KLHL20: variants seen among roughly 807,000 people sequenced by gnomAD.
The protein encoded by KLHL20 is kelch-like protein 20.
KLHL20 carries 29 observed loss-of-function variants against 69.5 expected under a neutral mutation model. That is an observed-to-expected ratio of 0.42 (90% CI 0.31 to 0.57). KLHL20 has a LOEUF of 0.57. KLHL20 is among the 20% of genes least tolerant of loss of function. KLHL20 has a pLI of 0.18. For synonymous variants in KLHL20, 253 were observed against 265.2 expected (o/e 0.95, Z 0.45); for missense variants, 419 against 776.0 (o/e 0.54, Z 5.47).
intron 11 of KLHL20, among the ~76,000 whole-genome samples, chr1:173,782,829 AG>A (rs1280802298): frequency 7.9e-5 from 12 of 152,202 alleles, no homozygotes; most frequent in African/African-American, 2.7e-4. Flanking sequence ...TAAGTAGTTA[AG>A]TAGTTTTTAT....
intron 2 of KLHL20, among the ~76,000 whole-genome samples, chr1:173,727,168 G>A (rs1672013174): frequency 1.3e-5 from 2 of 150,956 alleles, no homozygotes; most frequent in African/African-American, 4.9e-5. Flanking sequence ...TCAAATGAAT[G>A]AAATGAAGCA....
chr1:173,742,536 G>A (rs1420248112), intron 3 of KLHL20, among the ~76,000 whole-genome samples: 1 of 151,868 alleles, frequency 6.6e-6, no homozygotes, highest in East Asian at 1.9e-4. Context: ...ATTTAGAGAG[G>A]ATAGAAGAAA....
At position 173,785,961 on chromosome 1, in the gene KLHL20, G is replaced by C. The variant is rs1649181730; in HGVS notation, c.*714G>C. ...TCTGCTAGATCTAGAGCTCTGCTCAGTGCCTCTTATAAAAACAATATATAA... is the reference window on the plus strand; with the variant it reads ...TCTGCTAGATCTAGAGCTCTGCTCACTGCCTCTTATAAAAACAATATATAA... On this transcript the variant is annotated 3_prime_UTR_variant, in exon 12 of 12. Transcript: ENST00000209884. 1 of 152,070 alleles carries C rather than the reference G, an allele frequency of 6.6e-6. No homozygotes were observed. The highest frequency in any genetic ancestry group is 2.4e-5 in the African/African-American group (1 of 41,408). 9.4% of individuals were successfully genotyped at this position (152,070 alleles called of 1,614,324 possible). A position where few individuals can be genotyped will look rare whatever the true frequency, so the allele number is the denominator to read the frequency against.
intron 2 of KLHL20, among the ~76,000 whole-genome samples, chr1:173,723,940 C>T (rs1263482601): frequency 6.6e-6 from 1 of 152,100 alleles, no homozygotes; most frequent in Non-Finnish European, 1.5e-5. Context: ...GATCCAGAAT[C>T]TTTCTGAATG....
intron 10 of KLHL20, among the ~76,000 whole-genome samples, chr1:173,776,827 T>G (rs1230778268): frequency 6.6e-6 from 1 of 152,182 alleles, no homozygotes; most frequent in Non-Finnish European, 1.5e-5. Flanking sequence ...CTGTAGCTCT[T>G]TAGTATAATT....
intron 3 of KLHL20, among the ~76,000 whole-genome samples, chr1:173,737,729 T>G (rs893692645): frequency 6.6e-6 from 1 of 152,202 alleles, no homozygotes; most frequent in Non-Finnish European, 1.5e-5. Context: ...TTTAGGATTG[T>G]TTTTTCTAGT....
chr1:173,778,652 T>C (rs1218269692), intron 10 of KLHL20, among the ~76,000 whole-genome samples: 3 of 152,166 alleles, frequency 2.0e-5, no homozygotes, highest in Non-Finnish European at 2.9e-5. Context: ...TTACTTGCTA[T>C]TGGTCCGTTC....
chr1:173,766,850 A>G (rs1210899310), intron 8 of KLHL20, among the ~76,000 whole-genome samples: 5 of 152,204 alleles, frequency 3.3e-5, no homozygotes, highest in Non-Finnish European at 1.5e-5. Flanking sequence ...TGAAATATGT[A>G]TAGGTTGCGG....
intron 3 of KLHL20, among the ~76,000 whole-genome samples, chr1:173,739,527 T>C (rs912331922): frequency 6.6e-6 from 1 of 152,110 alleles, no homozygotes; most frequent in African/African-American, 2.4e-5. Context: ...TTTAGGAGGG[T>C]TGTATATTTT....
chr1:173,750,818 C>A (rs1268643898), intron 3 of KLHL20, among the ~76,000 whole-genome samples: 1 of 152,128 alleles, frequency 6.6e-6, no homozygotes, highest in Non-Finnish European at 1.5e-5. Flanking sequence ...GCCTCAGCCT[C>A]CCAAATTGCT....
intron 10 of KLHL20, 151 bp from the exon 11 acceptor site, chr1:173,781,971 CTT>C (rs1648909152): frequency 1.8e-6 from 1 of 551,882 alleles, no homozygotes; most frequent in African/African-American, 1.9e-5. Flanking sequence ...ATTTGATAGA[CTT>C]TTGTTGTTAC....
At position 173,769,617 on chromosome 1, in the gene KLHL20, G is replaced by C. The variant is rs186078311; in HGVS notation, c.1295+3328G>C. On this transcript the variant is annotated intron_variant, in intron 8 of 11. Transcript: ENST00000209884. The stretch of plus-strand genomic sequence containing the variant: ...AGCCTGGGCAACATAGCGAGACGTT[G>C]TCTCTCCAAAAAATAAAAAAATTAG... Among the ~76,000 whole-genome samples, 4 of 151,908 alleles carry C rather than the reference G, an allele frequency of 2.6e-5. No individual in the cohort carries two copies. The East Asian group carries it at 7.7e-4, about 29-fold the overall frequency.
chr1:173,762,104 A>G (rs753812693), intron 7 of KLHL20, among the ~76,000 whole-genome samples: 6 of 152,168 alleles, frequency 3.9e-5, no homozygotes, highest in Non-Finnish European at 4.4e-5. Flanking sequence ...CTTTACACAT[A>G]TAAACTAGAA....
intron 2 of KLHL20, among the ~76,000 whole-genome samples, chr1:173,733,078 G>C (rs1282597967): frequency 4.3e-5 from 6 of 140,318 alleles, no homozygotes; most frequent in Admixed American, 1.5e-4. Flanking sequence ...GGAGTGCAGT[G>C]ATGCAATCTC....
intron 3 of KLHL20, among the ~76,000 whole-genome samples, chr1:173,736,385 A>G (rs1239636365): frequency 6.6e-6 from 1 of 152,164 alleles, no homozygotes; most frequent in Non-Finnish European, 1.5e-5. Context: ...TTGTGCTGCT[A>G]TAAACATGCA....
chr1:173,734,209 CG>C lies in KLHL20; in HGVS notation c.523del (p.Ala175LeufsTer12). The C allele has an allele frequency of 3.1e-6, 5 of 1,614,182 alleles. No individual in the cohort carries two copies. Among genetic ancestry groups the C allele is most frequent in the Non-Finnish European group, 4.2e-6 (5 of 1,180,036 alleles). ...AGATCCTTCTAACTGCCTGGGCATT[CG>C]GGCTTTTGCTGACACACATTCATGT... The part of the protein sequence containing the change: ...QLDPSNCLGI[R>X]AFADTHSCRE... On this transcript the variant is annotated frameshift_variant, in exon 3 of 12. Transcript: ENST00000209884. LOFTEE classifies it high-confidence loss of function.
At chr1:173,719,035 G>GCT (rs1671594607) in intron 2 of KLHL20, among the ~76,000 whole-genome samples, 1 of 147,096 alleles carries the variant, frequency 6.8e-6, no homozygotes, top group African/African-American at 2.6e-5. Context: ...AACCTGGGAG[G>GCT]CGGAGCTTGC....
In KLHL20 at chr1:173,741,483, A is replaced by C. The variant is rs1329716810; in HGVS notation, c.597+7197A>C. Reference sequence around the variant, plus strand: ...CAATTTCTTTATAATCTTGAAGTGAAAAAGGTCTTTCTAATTGACTAACCC... The same window carrying C: ...CAATTTCTTTATAATCTTGAAGTGACAAAGGTCTTTCTAATTGACTAACCC... On this transcript the variant is annotated intron_variant, in intron 3 of 11. Transcript: ENST00000209884. Among the ~76,000 whole-genome samples, 4 of 152,240 alleles carry C rather than the reference A, an allele frequency of 2.6e-5. No individual in the cohort carries two copies. The East Asian group carries it at 5.8e-4, about 22-fold the overall frequency.
At chr1:173,726,947 T>C (rs946262927) in intron 2 of KLHL20, among the ~76,000 whole-genome samples, 2 of 152,026 alleles carry the variant, frequency 1.3e-5, no homozygotes, top group African/African-American at 4.8e-5. Context: ...ATCAAACTTC[T>C]CTGAGCTAAA....
Sources: allele counts gnomAD v4.1 joint callset (sites outside exome capture counted in the v4.1 genomes callset), GRCh38; gene constraint gnomAD v4.1.1; transcripts MANE v1.5; gene names NCBI Gene and HGNC (gene_info 2026-07-23, HGNC 2026-07-21).